PRKCA: variants seen among roughly 807,000 people sequenced by gnomAD.
PRKCA encodes protein kinase C alpha.
In PRKCA, 27 loss-of-function variants were observed where a neutral mutation model predicts 87.0. The observed-to-expected ratio is 0.31, with a 90% CI of 0.23 to 0.43. PRKCA has a LOEUF of 0.43. Among genes scored for constraint, PRKCA ranks in the 20% least tolerant of loss-of-function variants. The probability of loss-of-function intolerance (pLI) is 1.00; values close to 1 mark genes in which losing one functional copy is unlikely to be tolerated. For synonymous variants in PRKCA, 329 were observed against 311.1 expected, an observed-to-expected ratio of 1.06 and a Z score of -0.61; for missense variants, 518 against 852.3, an observed-to-expected ratio of 0.61 and a Z score of 4.88.
intron 16 of PRKCA, among the ~76,000 whole-genome samples, chr17:66,791,820 G>T (rs1195265026): frequency 6.6e-6 from 1 of 152,244 alleles, no homozygotes; most frequent in Non-Finnish European, 1.5e-5. Context: ...CAAACAGCAG[G>T]AGAGAACTAG....
At chr17:66,748,000 C>G (rs751468950) in intron 13 of PRKCA, among the ~76,000 whole-genome samples, 6 of 152,232 alleles carry the variant, frequency 3.9e-5, no homozygotes, top group Admixed American at 6.5e-5. Context: ...AAATCAGTGA[C>G]TGCAGCCCAG....
chr17:66,586,349 T>C (rs987553511), intron 3 of PRKCA, among the ~76,000 whole-genome samples: 2 of 144,122 alleles, frequency 1.4e-5, no homozygotes, highest in Admixed American at 6.9e-5. Context: ...GGATTAACTA[T>C]TAACTGAAAG....
At chr17:66,303,460 C>T (rs1171740351) in intron 1 of PRKCA, among the ~76,000 whole-genome samples, 1 of 151,502 alleles carries the variant, frequency 6.6e-6, no homozygotes, top group Non-Finnish European at 1.5e-5. Context: ...TTGCACTGCG[C>T]GCGGTCCAAG....
chr17:66,788,825 C>T lies in PRKCA; in HGVS notation c.1714-14C>T, dbSNP rs1254785320. 7 of 1,609,198 alleles carry T rather than the reference C, an allele frequency of 4.3e-6. No individual in the cohort carries two copies. The highest frequency in any genetic ancestry group is 4.0e-5 in the African/African-American group (3 of 74,236). ...TGACATCCATTGTTCTCCTTTTCTC[C>T]TTTTCCTTTCTAGCTGATGACCAAA... On this transcript the variant is annotated splice_polypyrimidine_tract_variant and intron_variant, in intron 15 of 16. Transcript: ENST00000413366.
chr17:66,620,847 T>C (rs908931143), intron 3 of PRKCA, among the ~76,000 whole-genome samples: 4 of 152,224 alleles, frequency 2.6e-5, no homozygotes, highest in Non-Finnish European at 5.9e-5. Context: ...AATAAATCTG[T>C]CTTGCAGCTA....
intron 2 of PRKCA, among the ~76,000 whole-genome samples, chr17:66,337,042 C>T (rs998902750): frequency 1.3e-5 from 2 of 152,148 alleles, no homozygotes; most frequent in East Asian, 1.9e-4. Context: ...CCGCCCTCCT[C>T]GGCCTCCCAA....
chr17:66,412,281 T>C (rs1213947343), intron 2 of PRKCA, among the ~76,000 whole-genome samples: 1 of 152,124 alleles, frequency 6.6e-6, no homozygotes, highest in African/African-American at 2.4e-5. Flanking sequence ...GGTTTCGAAC[T>C]CCTGAGCTCA....
chr17:66,591,329 T>A (rs1052091553), intron 3 of PRKCA, among the ~76,000 whole-genome samples: 6 of 151,740 alleles, frequency 4.0e-5, no homozygotes, highest in East Asian at 3.9e-4. Flanking sequence ...ATTTTTTTTT[T>A]TTTTATTTTA....
intron 2 of PRKCA, 75 bp from the exon 3 acceptor site, chr17:66,496,126 T>C (rs1174673990): frequency 6.2e-6 from 7 of 1,133,978 alleles, no homozygotes; most frequent in Non-Finnish European, 5.3e-6. Context: ...TAACAGCAAG[T>C]ATCTCTGTTT....
chr17:66,309,423 A>T (rs1904984134), intron 2 of PRKCA, among the ~76,000 whole-genome samples: 1 of 152,100 alleles, frequency 6.6e-6, no homozygotes, highest in Admixed American at 6.5e-5. Context: ...GCTTATTCTC[A>T]TGTTCCCTTC....
chr17:66,767,304 C>G (rs1974832946), intron 13 of PRKCA, among the ~76,000 whole-genome samples: 1 of 152,154 alleles, frequency 6.6e-6, no homozygotes. Context: ...ATTTGAGGAC[C>G]TGCTGTATGT....
intron 2 of PRKCA, among the ~76,000 whole-genome samples, chr17:66,393,653 T>C (rs948998063): frequency 1.3e-4 from 20 of 151,396 alleles, no homozygotes; most frequent in African/African-American, 4.6e-4. Context: ...TGTGTGTGTG[T>C]GTGTGTGTGT....
chr17:66,499,886 C>G (rs1916653021), intron 3 of PRKCA, among the ~76,000 whole-genome samples: 1 of 152,184 alleles, frequency 6.6e-6, no homozygotes, highest in South Asian at 2.1e-4. Context: ...ACACCTGCAT[C>G]CATACTCAAC....
At chr17:66,655,270 C>A (rs1971704533) in intron 5 of PRKCA, among the ~76,000 whole-genome samples, 1 of 152,188 alleles carries the variant, frequency 6.6e-6, no homozygotes, top group Non-Finnish European at 1.5e-5. Flanking sequence ...ACATCAGTGT[C>A]TTATGTCCAC....
intron 2 of PRKCA, among the ~76,000 whole-genome samples, chr17:66,493,660 A>G (rs1916342190): frequency 6.6e-6 from 1 of 151,984 alleles, no homozygotes; most frequent in African/African-American, 2.4e-5. Context: ...TAAAATATAG[A>G]TATTGCAGCA....
intron 2 of PRKCA, among the ~76,000 whole-genome samples, chr17:66,368,237 G>A (rs1908845110): frequency 6.6e-6 from 1 of 151,544 alleles, no homozygotes; most frequent in Admixed American, 6.6e-5. Flanking sequence ...CTCAATTGTT[G>A]ACAATTCCAG....
At chr17:66,457,156 T>G (rs1914610353) in intron 2 of PRKCA, among the ~76,000 whole-genome samples, 1 of 151,962 alleles carries the variant, frequency 6.6e-6, no homozygotes, top group South Asian at 2.1e-4. Flanking sequence ...CATCTTGGAG[T>G]CGTCGTCTTG....
chr17:66,418,510 A>ACCGCAAC (rs1912294129), intron 2 of PRKCA, among the ~76,000 whole-genome samples: 1 of 149,802 alleles, frequency 6.7e-6, no homozygotes, highest in Non-Finnish European at 1.5e-5. Context: ...ATCTCAGCTC[A>ACCGCAAC]CTGCAACCTC....
At chr17:66,612,606 T>G (rs867278598) in intron 3 of PRKCA, among the ~76,000 whole-genome samples, 1 of 152,074 alleles carries the variant, frequency 6.6e-6, no homozygotes, top group Non-Finnish European at 1.5e-5. Flanking sequence ...GCTGGGAGAA[T>G]ACTGAGTTAG....
Sources: allele counts gnomAD v4.1 joint callset (sites outside exome capture counted in the v4.1 genomes callset), GRCh38; gene constraint gnomAD v4.1.1; transcripts MANE v1.5; gene names NCBI Gene and HGNC (gene_info 2026-07-23, HGNC 2026-07-21).